The following FMNL2 variants were observed in gnomAD, a reference collection of about 807,000 sequenced individuals.
FMNL2 encodes the protein formin like 2.
A neutral mutation model predicts 130.2 loss-of-function variants in FMNL2; 51 were observed. The ratio of observed to expected loss-of-function variants is 0.39; its 90% CI spans 0.31 to 0.49. FMNL2 has a LOEUF of 0.49. FMNL2 is among the 20% of genes least tolerant of loss of function. FMNL2 has a pLI of 0.85. For synonymous variants in FMNL2, 465 were observed against 467.1 expected (o/e 1.00, Z 0.06); for missense variants, 977 against 1,316.2 (o/e 0.74, Z 3.99).
intron 1 of FMNL2, among the ~76,000 whole-genome samples, chr2:152,469,758 A>G (rs1428666994): frequency 6.6e-6 from 1 of 152,200 alleles, no homozygotes; most frequent in East Asian, 1.9e-4. Flanking sequence ...TAATTTTTTT[A>G]AAAAGAAAAT....
chr2:152,635,405 G>A (rs1682508839), intron 21 of FMNL2, among the ~76,000 whole-genome samples: 1 of 152,142 alleles, frequency 6.6e-6, no homozygotes, highest in Admixed American at 6.5e-5. Context: ...TTTACAACCC[G>A]TTTTGAACTC....
At chr2:152,520,898 G>A (rs971646182) in intron 1 of FMNL2, among the ~76,000 whole-genome samples, 8 of 152,152 alleles carry the variant, frequency 5.3e-5, no homozygotes, top group African/African-American at 1.7e-4. Flanking sequence ...AGGAGCTTGA[G>A]TATTAAAAGT....
At chr2:152,552,961 T>C (rs1221588243) in intron 4 of FMNL2, among the ~76,000 whole-genome samples, 2 of 152,224 alleles carry the variant, frequency 1.3e-5, no homozygotes, top group East Asian at 3.9e-4. Flanking sequence ...TCATCCTCAG[T>C]GCAAGGTCAC....
At chr2:152,408,410 G>A (rs1412707618) in intron 1 of FMNL2, among the ~76,000 whole-genome samples, 3 of 152,176 alleles carry the variant, frequency 2.0e-5, no homozygotes, top group Non-Finnish European at 4.4e-5. Flanking sequence ...CAGGGAGTGA[G>A]AATTGAAATT....
intron 2 of FMNL2, among the ~76,000 whole-genome samples, chr2:152,536,551 A>G (rs1015966476): frequency 6.6e-6 from 1 of 152,226 alleles, no homozygotes. Context: ...GTTACTATCT[A>G]AAATGAATTA....
chr2:152,441,068 T>C (rs536151175), intron 1 of FMNL2, among the ~76,000 whole-genome samples: 1 of 152,352 alleles, frequency 6.6e-6, no homozygotes, highest in East Asian at 1.9e-4. Context: ...GACCATGTAA[T>C]ATGTGCAGAG....
At chr2:152,453,863 A>G (rs977306202) in intron 1 of FMNL2, among the ~76,000 whole-genome samples, 4 of 152,350 alleles carry the variant, frequency 2.6e-5, no homozygotes, top group African/African-American at 9.6e-5. Flanking sequence ...TGTCCTAGCC[A>G]AGAACATGGT....
chr2:152,376,323 T>C (rs566136509), intron 1 of FMNL2, among the ~76,000 whole-genome samples: 14 of 152,364 alleles, frequency 9.2e-5, no homozygotes, highest in African/African-American at 3.4e-4. Flanking sequence ...AGCATTCTTA[T>C]ACACGTTTTT....
chr2:152,371,007 G>A (rs1357047751), intron 1 of FMNL2, among the ~76,000 whole-genome samples: 1 of 152,196 alleles, frequency 6.6e-6, no homozygotes, highest in Admixed American at 6.5e-5. Flanking sequence ...TGAAGCCTAA[G>A]TTGGTAAGTT....
At chr2:152,554,086 C>A (rs1418137947) in intron 4 of FMNL2, among the ~76,000 whole-genome samples, 1 of 152,098 alleles carries the variant, frequency 6.6e-6, no homozygotes, top group Non-Finnish European at 1.5e-5. Flanking sequence ...AGTCTGAAAT[C>A]ATATCAGTGA....
intron 6 of FMNL2, among the ~76,000 whole-genome samples, chr2:152,567,849 T>C (rs1187771172): frequency 1.3e-5 from 2 of 152,220 alleles, no homozygotes; most frequent in African/African-American, 4.8e-5. Context: ...ACAGACTGCA[T>C]TTTCCTTACA....
At chr2:152,365,144 G>A (rs1465728717) in intron 1 of FMNL2, among the ~76,000 whole-genome samples, 1 of 152,144 alleles carries the variant, frequency 6.6e-6, no homozygotes, top group Admixed American at 6.5e-5. Context: ...GTATTAAATG[G>A]GAGCCTAGAG....
chr2:152,622,876 A>G, intron 15 of FMNL2, among the ~76,000 whole-genome samples: 1 of 151,184 alleles, frequency 6.6e-6, no homozygotes, highest in Non-Finnish European at 1.5e-5. Context: ...TTCAACTCTA[A>G]GAACAAAAAA....
chr2:152,451,660 A>G (rs1291229489), intron 1 of FMNL2, among the ~76,000 whole-genome samples: 1 of 152,146 alleles, frequency 6.6e-6, no homozygotes, highest in East Asian at 1.9e-4. Context: ...CCAAGTTAGG[A>G]TTCAGAGGTT....
intron 1 of FMNL2, among the ~76,000 whole-genome samples, chr2:152,480,164 T>C (rs374505184): frequency 2.4e-4 from 36 of 152,256 alleles, no homozygotes; most frequent in Middle Eastern, 6.8e-3. Context: ...ATTCTTAGCC[T>C]TAGCAGGCAG....
intron 1 of FMNL2, among the ~76,000 whole-genome samples, chr2:152,500,375 C>G (rs568105753): frequency 6.6e-6 from 1 of 152,194 alleles, no homozygotes; most frequent in Non-Finnish European, 1.5e-5. Flanking sequence ...CGTGTTCTAT[C>G]TCCTCCTCCT....
At chr2:152,421,285 G>A (rs1245322394) in intron 1 of FMNL2, among the ~76,000 whole-genome samples, 1 of 152,208 alleles carries the variant, frequency 6.6e-6, no homozygotes, top group Non-Finnish European at 1.5e-5. Flanking sequence ...AGCCGGTAAT[G>A]TGAGGTATTT....
At chr2:152,492,314 A>G (rs531646811) in intron 1 of FMNL2, among the ~76,000 whole-genome samples, 1 of 152,352 alleles carries the variant, frequency 6.6e-6, no homozygotes, top group East Asian at 1.9e-4. Flanking sequence ...TACACAGCCT[A>G]TAAAAACAGG....
At chr2:152,443,857 GA>G (rs1014986949) in intron 1 of FMNL2, among the ~76,000 whole-genome samples, 1 of 151,308 alleles carries the variant, frequency 6.6e-6, no homozygotes, top group African/African-American at 2.4e-5. Flanking sequence ...AAGAAAAAAA[GA>G]AAAAAAAGGA....
Sources: gnomAD v4.1 joint callset for allele counts (sites outside exome capture counted in the v4.1 genomes callset) on GRCh38, gnomAD v4.1.1 for gene constraint, MANE v1.5 for transcripts, NCBI Gene and HGNC (gene_info 2026-07-23, HGNC 2026-07-21) for gene names.